Variants in HSPG2 observed in about 807,000 individuals in gnomAD.
HSPG2 encodes the protein heparan sulfate proteoglycan 2.
HSPG2 carries 278 observed loss-of-function variants against 526.6 expected under a neutral mutation model. The ratio of observed to expected loss-of-function variants is 0.53; its 90% CI spans 0.48 to 0.58. HSPG2 has a LOEUF of 0.58. HSPG2 is among the 20% of genes least tolerant of loss of function. The probability of loss-of-function intolerance (pLI) is 0.00; values close to 1 mark genes in which losing one functional copy is unlikely to be tolerated. For synonymous variants in HSPG2, 2,465 were observed against 2,555.4 expected (o/e 0.96, Z 1.07); for missense variants, 5,354 against 6,099.5 (o/e 0.88, Z 4.07).
At position 21,867,799 on chromosome 1, in the gene HSPG2, C is replaced by T. The variant is rs138111677; in HGVS notation, c.4222-1990G>A. ...CAGCTGGAGTACAGTGCTGCAATCT[C>T]AGCTCACTGTAATCTCTGCCTCCCG... On this transcript the variant is annotated intron_variant, in intron 33 of 96. Transcript: ENST00000374695. 2.6e-5 allele frequency among the ~76,000 whole-genome samples: 4 copies of T among 152,140 alleles called. No homozygotes were observed. The East Asian group carries it at 7.7e-4, about 29-fold the overall frequency.
intron 1 of HSPG2, among the ~76,000 whole-genome samples, chr1:21,935,516 T>C (rs1644465759): frequency 6.6e-6 from 1 of 152,244 alleles, no homozygotes; most frequent in South Asian, 2.1e-4. Flanking sequence ...AATGAACCTC[T>C]GTACTCCCAG....
intron 13 of HSPG2, among the ~76,000 whole-genome samples, 190 bp downstream of exon 13, chr1:21,884,338 G>A (rs1641715118): frequency 6.6e-6 from 1 of 152,156 alleles, no homozygotes. Flanking sequence ...AGCAAGGGGG[G>A]ATTTGGCTCT....
In HSPG2 at chr1:21,841,337, C is replaced by A. The variant is rs764385531; in HGVS notation, c.9329-52G>T. The A allele has an allele frequency of 2.5e-6, 4 of 1,605,152 alleles. No individual in the cohort carries two copies. In the African/African-American group the frequency reaches 5.3e-5, roughly 21 times the overall value. ...CACACAGGCAGGGCTCTGCTGCTCA[C>A]CCACACTGCCATGGCCTCCAGCTTA... is the stretch of plus-strand genomic sequence containing the variant. On this transcript the variant is annotated intron_variant, in intron 70 of 96. Coordinates refer to ENST00000374695, the MANE Select transcript of HSPG2 (RefSeq NM_005529.7).
Position 21,865,661 on chromosome 1 carries a change from GCCCCTGGCTT to G in HSPG2, c.4314+46_4314+55del. 1 of 1,362,140 alleles carries G rather than the reference GCCCCTGGCTT, an allele frequency of 7.3e-7. No homozygotes were observed. Among genetic ancestry groups the G allele is most frequent in the South Asian group, 1.2e-5 (1 of 86,038 alleles). 84.4% of individuals were successfully genotyped at this position (1,362,140 alleles called of 1,614,324 possible). A position where few individuals can be genotyped will look rare whatever the true frequency, so the allele number is the denominator to read the frequency against. On this transcript the variant is annotated intron_variant, in intron 34 of 96. Transcript: ENST00000374695. This position sits in a 1 kb window ranked among gnomAD's most constrained non-coding sequence, Gnocchi z 5.4. The stretch of plus-strand genomic sequence containing the variant: ...AGGACAAAGGACAAATGCCGAGGGT[GCCCCTGGCTT>G]CCATCCTGCCCTTCTGCCCACCCAG...
At chr1:21,912,206 T>C (rs1643716640) in intron 1 of HSPG2, among the ~76,000 whole-genome samples, 1 of 152,180 alleles carries the variant, frequency 6.6e-6, no homozygotes. Context: ...CCTGGGCAAA[T>C]CACTTGACCT....
At chr1:21,833,789 C>G in intron 78 of HSPG2, 27 bp downstream of exon 78, 1 of 1,536,196 alleles carries the variant, frequency 6.5e-7, no homozygotes, top group Non-Finnish European at 8.9e-7. Context: ...CCAAGTCATG[C>G]CCGCTGGTTC....
Position 21,872,774 on chromosome 1 carries a change from T to C in HSPG2, c.3889-14A>G. The C allele has an allele frequency of 6.2e-7, 1 of 1,606,554 alleles. No individual in the cohort carries two copies. The highest frequency in any genetic ancestry group is 1.3e-5 in the African/African-American group (1 of 74,880). ...TTCCACCTGGGCCTGGGTAGACGGA[T>C]GGAAGGAGGCAGGCAGGGGACTCAG... On this transcript the variant is annotated splice_polypyrimidine_tract_variant and intron_variant, in intron 31 of 96. Transcript: ENST00000374695. This position sits in a 1 kb window ranked among gnomAD's most constrained non-coding sequence, Gnocchi z 5.5.
At chr1:21,833,702 A>C in intron 78 of HSPG2, 88 bp from the exon 79 acceptor site, 1 of 1,588,596 alleles carries the variant, frequency 6.3e-7, no homozygotes, top group Non-Finnish European at 8.6e-7. Context: ...CCACCTTCCA[A>C]CATTGAGCGT....
At chr1:21,854,578 G>T in intron 49 of HSPG2, 33 bp downstream of exon 49, 1 of 1,539,136 alleles carries the variant, frequency 6.5e-7, no homozygotes, top group Non-Finnish European at 8.8e-7. Context: ...CCTGCACCCT[G>T]GGTCCCCTGC....
At chr1:21,862,141 C>T (rs1277402242) in intron 37 of HSPG2, 26 bp from the exon 38 acceptor site, 3 of 1,609,562 alleles carry the variant, frequency 1.9e-6, no homozygotes, top group Admixed American at 3.3e-5. Context: ...AGGGCAGGCA[C>T]CAGCCATTAG....
chr1:21,865,729 A>G lies in HSPG2; in HGVS notation c.4302T>C (p.Asp1434=), dbSNP rs1354263748. Residue 1434 remains aspartate (D), a synonymous_variant, in exon 34 of 97, where the codon GAT becomes GAC. Transcript: ENST00000374695. This position sits in a 1 kb window ranked among gnomAD's most constrained non-coding sequence, Gnocchi z 5.4. ...GPQGSPLSDP[D]VQITGNNIML... The stretch of plus-strand genomic sequence containing the variant: ...TCCAAATGCTCACCGTGATCTGCAC[A>G]TCGGGGTCAGAGAGTGGGCTGCCCT... 24 of 1,613,592 alleles carry G rather than the reference A, an allele frequency of 1.5e-5. No homozygotes were observed. Among genetic ancestry groups the G allele is most frequent in the Middle Eastern group, 1.7e-4 (1 of 6,058 alleles).
In HSPG2 at chr1:21,857,299, T is replaced by C; in HGVS notation, c.5380A>G (p.Thr1794Ala). Reference sequence around the variant, plus strand: ...GACCTGCACACCTTGCTTTTGGCTGTGCAGATGAAGGTGACGTCAGCTCCG... The same window carrying C: ...GACCTGCACACCTTGCTTTTGGCTGCGCAGATGAAGGTGACGTCAGCTCCG... ...RPGADVTFIC[T>A]AKSKSPAYTL... Residue 1794 changes from threonine (T) to alanine (A), a missense_variant, in exon 43 of 97, where the codon ACA becomes GCA. By Grantham distance (58) the Thr-to-Ala change is moderately conservative (BLOSUM62 0). Coordinates refer to ENST00000374695, the MANE Select transcript of HSPG2 (RefSeq NM_005529.7). 1 of 1,614,122 alleles carries C rather than the reference T, an allele frequency of 6.2e-7. No individual in the cohort carries two copies.
At chr1:21,843,719 T>C (rs1295656138) in intron 65 of HSPG2, among the ~76,000 whole-genome samples, 1 of 152,136 alleles carries the variant, frequency 6.6e-6, no homozygotes, top group East Asian at 1.9e-4. Flanking sequence ...CAATCTCGGC[T>C]CACCGCAACC....
chr1:21,859,630 G>T lies in HSPG2; in HGVS notation c.5229C>A (p.Val1743=). 1 of 1,607,222 alleles carries T rather than the reference G, an allele frequency of 6.2e-7. No homozygotes were observed. The highest frequency in any genetic ancestry group is 8.5e-7 in the Non-Finnish European group (1 of 1,177,112). The change falls in exon 42 of 97, where the codon GTC becomes GTA. Residue 1743 remains valine (V), a synonymous_variant. Coordinates refer to ENST00000374695, the MANE Select transcript of HSPG2 (RefSeq NM_005529.7). The surrounding 1 kb of genome is among the most constrained non-coding windows in gnomAD (Gnocchi z 5.3). ...GGAGATTACGGCAGGTGCAAATGTA[G>T]ACCCCAGCATCCGAGGGCTGGACGC... The part of the protein sequence containing the change: ...FPSVQPSDAG[V]YICTCRNLHQ...
chr1:21,896,729 C>T (rs1444654559), intron 1 of HSPG2, among the ~76,000 whole-genome samples: 1 of 152,048 alleles, frequency 6.6e-6, no homozygotes, highest in Non-Finnish European at 1.5e-5. Flanking sequence ...CCAGGGTCAG[C>T]ATGGGTGGGG....
intron 1 of HSPG2, among the ~76,000 whole-genome samples, chr1:21,934,825 G>A (rs1327881307): frequency 6.6e-6 from 1 of 152,130 alleles, no homozygotes; most frequent in Non-Finnish European, 1.5e-5. Context: ...TTGAACTCCT[G>A]ACCTCATGAT....
At chr1:21,896,438 G>C (rs949458117) in intron 1 of HSPG2, 128 bp from the exon 2 acceptor site, 1 of 1,135,562 alleles carries the variant, frequency 8.8e-7, no homozygotes, top group Non-Finnish European at 1.3e-6. Flanking sequence ...ATTTGACTTA[G>C]TATGGCTCAG....
At position 21,833,580 on chromosome 1, in the gene HSPG2, T is replaced by C. The variant is rs752382140; in HGVS notation, c.10865A>G (p.Glu3622Gly). 2 of 1,614,150 alleles carry C rather than the reference T, an allele frequency of 1.2e-6. No homozygotes were observed. The highest frequency in any genetic ancestry group is 1.7e-6 in the Non-Finnish European group (2 of 1,180,022). The change falls in exon 79 of 97, where the codon GAG becomes GGG. Residue 3622 changes from glutamate to glycine, a missense_variant. By Grantham distance (98) the Glu-to-Gly change is moderately conservative. Coordinates refer to ENST00000374695, the MANE Select transcript of HSPG2 (RefSeq NM_005529.7). ...DGSLPPDSRL[E>G]NNMLMLPSVR... Reference sequence around the variant, plus strand: ...TGAGGGCAGCATCAGCATGTTGTTCTCCAGGCGGCTGTCAGGTGGCAGGCT... The same window carrying C: ...TGAGGGCAGCATCAGCATGTTGTTCCCCAGGCGGCTGTCAGGTGGCAGGCT...
In HSPG2 at chr1:21,904,511, C is replaced by T. The variant is rs924738700; in HGVS notation, c.64-8201G>A. ...GCTGACCCGGTGCTAGTCACAGAGG[C>T]CAAGTCTCCCCTGTACCCCCAGAGT... On this transcript the variant is annotated intron_variant, in intron 1 of 96. Coordinates refer to ENST00000374695, the MANE Select transcript of HSPG2 (RefSeq NM_005529.7). The surrounding 1 kb of genome is among the most constrained non-coding windows in gnomAD (Gnocchi z 4.4). Among the ~76,000 whole-genome samples the T allele has an allele frequency of 1.3e-5, 2 of 152,110 alleles. No individual in the cohort carries two copies. Among genetic ancestry groups the T allele is most frequent in the African/African-American group, 4.8e-5 (2 of 41,416 alleles).
Sources: gnomAD v4.1 joint callset for allele counts (sites outside exome capture counted in the v4.1 genomes callset) on GRCh38, gnomAD v4.1.1 for gene constraint, Gnocchi (gnomAD v3.1) non-coding constraint, MANE v1.5 for transcripts, NCBI Gene and HGNC (gene_info 2026-07-23, HGNC 2026-07-21) for gene names.